The following SNRPN variants were observed in gnomAD, a reference collection of about 807,000 sequenced individuals.
SNRPN encodes the protein small nuclear ribonucleoprotein-associated protein N.
SNRPN carries 7 observed loss-of-function variants against 25.2 expected under a neutral mutation model. The ratio of observed to expected loss-of-function variants is 0.28; its 90% confidence interval spans 0.16 to 0.52. The LOEUF is 0.52. Among genes scored for constraint, SNRPN ranks in the 20% least tolerant of loss-of-function variants. The probability of loss-of-function intolerance (pLI) is 0.96; values close to 1 mark genes in which losing one functional copy is unlikely to be tolerated. For synonymous variants in SNRPN, 124 were observed against 110.6 expected (o/e 1.12, Z -0.76); for missense variants, 196 against 322.5 (o/e 0.61, Z 3.00).
At chr15:24,925,785 A>G (rs28432132) in intron 3 of SNRPN, among the ~76,000 whole-genome samples, 1,797 of 150,986 alleles carry the variant, frequency 0.012, 40 homozygotes, top group African/African-American at 0.041. Flanking sequence ...ACTCTTGCCC[A>G]GGCTGGAGTG....
chr15:24,885,376 T>TA (rs2057102076), intron 1 of SNRPN, among the ~76,000 whole-genome samples: 1 of 152,162 alleles, frequency 6.6e-6, no homozygotes, highest in Non-Finnish European at 1.5e-5. Context: ...GGTCAAAAGG[T>TA]GTTCCTTTAA....
chr15:24,957,229 A>G (rs6576396), intron 1 of SNRPN, among the ~76,000 whole-genome samples: 135,781 of 152,166 alleles, frequency 0.89, 60,753 homozygotes, highest in East Asian at 0.99. Context: ...GGGGGAGAGG[A>G]CATCGTGATG....
At chr15:24,877,587 G>A (rs574859063) in intron 1 of SNRPN, among the ~76,000 whole-genome samples, 222 of 152,316 alleles carry the variant, frequency 1.5e-3, no homozygotes, top group African/African-American at 4.9e-3. Flanking sequence ...CACTTTGGGA[G>A]GCCAAGGCCG....
At chr15:24,899,969 G>C in intron 2 of SNRPN, among the ~76,000 whole-genome samples, 1 of 152,116 alleles carries the variant, frequency 6.6e-6, no homozygotes, top group Non-Finnish European at 1.5e-5. Flanking sequence ...CTTTATGTTT[G>C]GGCACATTCC....
chr15:24,962,876 T>TA (rs1333440045), intron 2 of SNRPN, among the ~76,000 whole-genome samples: 5 of 151,952 alleles, frequency 3.3e-5, no homozygotes, highest in African/African-American at 1.2e-4. Flanking sequence ...TTTTGATCAG[T>TA]AGGTAGCATT....
chr15:24,954,977 C>T, upstream of SNRPN: 2 of 1,602,952 alleles, frequency 1.2e-6, no homozygotes, highest in South Asian at 1.1e-5. Flanking sequence ...GCTGCTGCAG[C>T]GAGTCTGGCG....
upstream of SNRPN, among the ~76,000 whole-genome samples, chr15:24,949,960 G>C (rs951486380): frequency 6.6e-6 from 1 of 151,480 alleles, no homozygotes; most frequent in Non-Finnish European, 1.5e-5. Context: ...GGGTAGCTGG[G>C]ACTAGAGGTG....
At chr15:24,864,026 A>T (rs2054276694) in intron 1 of SNRPN, among the ~76,000 whole-genome samples, 1 of 140,898 alleles carries the variant, frequency 7.1e-6, no homozygotes, top group Admixed American at 7.0e-5. Context: ...TTTTTATTTT[A>T]TTATTATTTT....
At chr15:24,853,479 C>T (rs761840110), upstream of SNRPN, among the ~76,000 whole-genome samples, 22 of 151,882 alleles carry the variant, frequency 1.4e-4, no homozygotes, top group Non-Finnish European at 2.4e-4. Context: ...CTGCAAGCTC[C>T]GCCTCCCAGG....
intron 1 of SNRPN, among the ~76,000 whole-genome samples, chr15:24,877,928 TAAG>T (rs2056141970): frequency 6.6e-6 from 1 of 152,200 alleles, no homozygotes; most frequent in Admixed American, 6.5e-5. Context: ...CACCTGCTCT[TAAG>T]TAGTGCACGG....
At chr15:24,915,100 AAGG>A (rs1475449646) in intron 2 of SNRPN, among the ~76,000 whole-genome samples, 1 of 151,878 alleles carries the variant, frequency 6.6e-6, no homozygotes, top group East Asian at 1.9e-4. Context: ...ATCAGATATC[AAGG>A]AGAAGAGGGT....
At chr15:24,933,709 A>T (rs937184795) in intron 3 of SNRPN, among the ~76,000 whole-genome samples, 1 of 152,244 alleles carries the variant, frequency 6.6e-6, no homozygotes, top group Non-Finnish European at 1.5e-5. Context: ...ACTTACAGGT[A>T]TAAGGAGAAA....
At chr15:24,909,035 T>A in intron 2 of SNRPN, 1 of 1,429,830 alleles carries the variant, frequency 7.0e-7, no homozygotes, top group African/African-American at 1.4e-5. Flanking sequence ...CCACCTCTTC[T>A]TTTTAACTTC....
chr15:24,884,092 G>C (rs1401020551), intron 1 of SNRPN, among the ~76,000 whole-genome samples: 1 of 144,804 alleles, frequency 6.9e-6, no homozygotes, highest in Admixed American at 7.4e-5. Flanking sequence ...CAGGAAGATT[G>C]CTTGAGCTCA....
chr15:24,908,256 G>C (rs553656918), intron 2 of SNRPN, among the ~76,000 whole-genome samples: 1 of 152,168 alleles, frequency 6.6e-6, no homozygotes, highest in East Asian at 1.9e-4. Flanking sequence ...ATAGAAATTG[G>C]TACTGAGAAG....
At chr15:24,852,676 G>A (rs2052977041), upstream of SNRPN, among the ~76,000 whole-genome samples, 1 of 152,196 alleles carries the variant, frequency 6.6e-6, no homozygotes, top group African/African-American at 2.4e-5. Context: ...CAACACTTTG[G>A]GAGGTGAAGG....
At chr15:24,939,652 C>T (rs887882789) in intron 3 of SNRPN, among the ~76,000 whole-genome samples, 4 of 151,920 alleles carry the variant, frequency 2.6e-5, no homozygotes, top group African/African-American at 4.8e-5. Context: ...ACGCTGGTCT[C>T]GAACTCCTGA....
At chr15:24,848,161 G>T (rs2145017492) in intron 2 of SNRPN, among the ~76,000 whole-genome samples, 1 of 150,900 alleles carries the variant, frequency 6.6e-6, no homozygotes, top group South Asian at 2.1e-4. Flanking sequence ...GCCACTGTCC[G>T]GTGCGGCCAA....
At chr15:24,970,161 G>A (rs1245763227) in intron 3 of SNRPN, among the ~76,000 whole-genome samples, 1 of 152,324 alleles carries the variant, frequency 6.6e-6, no homozygotes, top group Admixed American at 6.5e-5. Context: ...GAAGGGATCA[G>A]TCTAAGAGTC....
Sources: gnomAD v4.1 joint callset for allele counts (sites outside exome capture counted in the v4.1 genomes callset) on GRCh38, gnomAD v4.1.1 for gene constraint, MANE v1.5 for transcripts, NCBI Gene and HGNC (gene_info 2026-07-23, HGNC 2026-07-21) for gene names.